ERBB4: variants seen among roughly 807,000 people sequenced by gnomAD.
ERBB4 encodes erb-b2 receptor tyrosine kinase 4.
Under a neutral mutation model 158.0 loss-of-function variants are expected in ERBB4, and 42 were observed. The observed-to-expected ratio is 0.27, with a 90% CI of 0.21 to 0.34. ERBB4 has a LOEUF of 0.34. Ranked by LOEUF, ERBB4 falls within the 10% of genes least tolerant of loss-of-function variation. The pLI is 1.00. For synonymous variants in ERBB4, 583 were observed against 558.7 expected, an observed-to-expected ratio of 1.04 and a Z score of -0.61; for missense variants, 1,333 against 1,624.1, an observed-to-expected ratio of 0.82 and a Z score of 3.08.
At chr2:212,058,526 A>G (rs1266834188) in intron 2 of ERBB4, among the ~76,000 whole-genome samples, 1 of 152,232 alleles carries the variant, frequency 6.6e-6, no homozygotes, top group Non-Finnish European at 1.5e-5. Context: ...ATGAACATCA[A>G]TGCAAAAATC....
intron 3 of ERBB4, among the ~76,000 whole-genome samples, chr2:211,925,154 A>G (rs773209101): frequency 1.2e-4 from 19 of 152,186 alleles, no homozygotes; most frequent in Non-Finnish European, 1.8e-4. Flanking sequence ...GGAAGAAAAC[A>G]CCAGCTAGTA....
chr2:211,619,192 A>G lies in ERBB4; in HGVS notation c.2286T>C (p.Asn762=), dbSNP rs2069501547. Residue 762 remains asparagine (N), a synonymous_variant, in exon 19 of 28, where the codon AAT becomes AAC. Coordinates refer to ENST00000342788, the MANE Select transcript of ERBB4 (RefSeq NM_005235.3). ...ILNETTGPKA[N]VEFMDEALIM... ...CTGTACTTACATCCATGAACTCCAC[A>G]TTTGCCTTGGGACCAGTTGTCTCAT... The G allele has an allele frequency of 1.9e-6, 3 of 1,605,160 alleles. No homozygotes were observed. The African/African-American group carries it at 4.0e-5, about 21-fold the overall frequency.
At chr2:211,713,994 T>A (rs1261935249) in intron 7 of ERBB4, among the ~76,000 whole-genome samples, 1 of 152,178 alleles carries the variant, frequency 6.6e-6, no homozygotes, top group East Asian at 1.9e-4. Flanking sequence ...AAGTTTGAAG[T>A]CCAAAAATAC....
Position 211,665,377 on chromosome 2 carries a change from T to C in ERBB4, c.1817A>G (p.Lys606Arg), listed in dbSNP as rs2105918968. 2.5e-6 allele frequency: 4 copies of C among 1,614,202 alleles called. No individual in the cohort carries two copies. Among genetic ancestry groups the C allele is most frequent in the Non-Finnish European group, 3.4e-6 (4 of 1,180,036 alleles). The change falls in exon 15 of 28, where the codon AAG becomes AGG. Residue 606 changes from lysine (K) to arginine (R), a missense_variant. Physicochemically the swap from Lys to Arg is conservative, Grantham distance 26. This residue lies in a region of ERBB4 where 245 missense variants were observed against 247.5 expected (regional missense o/e 0.99). Coordinates refer to ENST00000342788, the MANE Select transcript of ERBB4 (RefSeq NM_005235.3). ...GLQGANSFIF[K>R]YADPDRECHP... ...GCACTCCCGATCTGGATCAGCATACTTGAAAATGAAACTGTTTGCCCCCTG... is the reference window on the plus strand; with the variant it reads ...GCACTCCCGATCTGGATCAGCATACCTGAAAATGAAACTGTTTGCCCCCTG...
At chr2:211,411,964 A>G (rs2063271550) in intron 25 of ERBB4, among the ~76,000 whole-genome samples, 1 of 152,206 alleles carries the variant, frequency 6.6e-6, no homozygotes, top group Non-Finnish European at 1.5e-5. Context: ...TCCAAAAAAT[A>G]AAAAATAAAA....
At chr2:212,097,021 A>T (rs765527876) in intron 2 of ERBB4, among the ~76,000 whole-genome samples, 2 of 152,216 alleles carry the variant, frequency 1.3e-5, no homozygotes, top group Non-Finnish European at 2.9e-5. Context: ...AAAGTTGGGC[A>T]ATTGCATTTC....
At chr2:212,466,465 C>T (rs1159587287) in intron 1 of ERBB4, among the ~76,000 whole-genome samples, 1 of 152,072 alleles carries the variant, frequency 6.6e-6, no homozygotes, top group Non-Finnish European at 1.5e-5. Context: ...TGGGTCTTTC[C>T]TGTGCTGTTC....
chr2:211,764,264 A>G (rs1346352274), intron 4 of ERBB4, among the ~76,000 whole-genome samples: 2 of 152,208 alleles, frequency 1.3e-5, no homozygotes, highest in East Asian at 3.9e-4. Flanking sequence ...TATTTATAGA[A>G]AAAAGATAAA....
At chr2:212,176,591 G>A (rs1472273127) in intron 1 of ERBB4, among the ~76,000 whole-genome samples, 2 of 151,958 alleles carry the variant, frequency 1.3e-5, no homozygotes, top group African/African-American at 2.4e-5. Context: ...AGCAGCCTGA[G>A]CAGATTAAGA....
At chr2:212,180,165 G>A (rs1203180004) in intron 1 of ERBB4, among the ~76,000 whole-genome samples, 1 of 151,748 alleles carries the variant, frequency 6.6e-6, no homozygotes. Flanking sequence ...ACATCTGCCA[G>A]TGATATAATG....
intron 1 of ERBB4, among the ~76,000 whole-genome samples, chr2:212,226,877 T>C (rs2083489480): frequency 6.6e-6 from 1 of 152,142 alleles, no homozygotes; most frequent in African/African-American, 2.4e-5. Flanking sequence ...ATATACCTCC[T>C]TTAAGCTATT....
At chr2:212,044,455 C>T (rs773076440) in intron 2 of ERBB4, among the ~76,000 whole-genome samples, 3 of 152,106 alleles carry the variant, frequency 2.0e-5, no homozygotes, top group Non-Finnish European at 4.4e-5. Flanking sequence ...AACCCTCCCC[C>T]TTTTGAAACA....
chr2:211,460,309 C>T (rs952914621), intron 20 of ERBB4, among the ~76,000 whole-genome samples: 16 of 152,114 alleles, frequency 1.1e-4, no homozygotes, highest in South Asian at 2.1e-4. Context: ...CTTGAAAGTG[C>T]GAACAGATTT....
chr2:212,290,708 T>G (rs1390767531), intron 1 of ERBB4, among the ~76,000 whole-genome samples: 1 of 152,050 alleles, frequency 6.6e-6, no homozygotes, highest in African/African-American at 2.4e-5. Flanking sequence ...ATGCAAGTGA[T>G]GTGTGAGTAG....
At chr2:212,537,995 G>T (rs554663211) in intron 1 of ERBB4, among the ~76,000 whole-genome samples, 2 of 152,246 alleles carry the variant, frequency 1.3e-5, no homozygotes, top group East Asian at 3.9e-4. Flanking sequence ...TCTGAGCGCC[G>T]CTCTCCACCG....
intron 3 of ERBB4, among the ~76,000 whole-genome samples, chr2:211,921,682 G>A (rs1238853937): frequency 1.3e-5 from 2 of 152,026 alleles, no homozygotes; most frequent in East Asian, 3.9e-4. Context: ...GAGAGGGAGT[G>A]CTGGGTTATT....
chr2:211,801,349 G>A (rs2076493964), intron 3 of ERBB4, among the ~76,000 whole-genome samples: 2 of 152,070 alleles, frequency 1.3e-5, no homozygotes, highest in Admixed American at 6.6e-5. Flanking sequence ...AATATCATAC[G>A]AGAACTGAAA....
intron 1 of ERBB4, among the ~76,000 whole-genome samples, chr2:212,383,735 T>C (rs2090585136): frequency 6.6e-6 from 1 of 151,636 alleles, no homozygotes; most frequent in South Asian, 2.1e-4. Context: ...TTCTAGTAGT[T>C]GGGAAGCACA....
At chr2:211,636,928 T>C (rs528411691) in intron 16 of ERBB4, among the ~76,000 whole-genome samples, 1 of 151,880 alleles carries the variant, frequency 6.6e-6, no homozygotes, top group Non-Finnish European at 1.5e-5. Context: ...TATATACACA[T>C]TCACACGAAA....
Sources: gnomAD v4.1 joint callset for allele counts (sites outside exome capture counted in the v4.1 genomes callset) on GRCh38, gnomAD v4.1.1 for gene constraint, gnomAD v4.1.1 regional missense constraint, MANE v1.5 for transcripts, NCBI Gene and HGNC (gene_info 2026-07-23, HGNC 2026-07-21) for gene names.